C1QTNF3: variants seen among roughly 807,000 people sequenced by gnomAD.
C1QTNF3 encodes complement C1q tumor necrosis factor-related protein 3.
A neutral mutation model predicts 32.6 loss-of-function variants in C1QTNF3; 26 were observed. The observed-to-expected ratio is 0.80, with a 90% CI of 0.58 to 1.11. The LOEUF (loss-of-function observed/expected upper bound fraction) is 1.11, where lower values mean the gene tolerates loss of function less well. Among genes scored for constraint, C1QTNF3 ranks in the 50% least tolerant of loss-of-function variants. The pLI, the probability that C1QTNF3 is intolerant of heterozygous loss-of-function variation, is 0.00. For synonymous variants in C1QTNF3, 155 were observed against 146.0 expected (o/e 1.06, Z -0.44); for missense variants, 362 against 398.2 (o/e 0.91, Z 0.77).
At chr5:34,210,557 T>A in the C1QTNF3 span, among the ~76,000 whole-genome samples, 1 of 151,824 alleles carries the variant, frequency 6.6e-6, no homozygotes, top group Non-Finnish European at 1.5e-5. Context: ...TTATTGGAGT[T>A]AAAACAACAA....
At chr5:34,097,071 T>C in the C1QTNF3 span, among the ~76,000 whole-genome samples, 1 of 151,960 alleles carries the variant, frequency 6.6e-6, no homozygotes, top group Non-Finnish European at 1.5e-5. Flanking sequence ...TCTTTCTGTT[T>C]GGAAAATTAA....
At chr5:34,057,567 C>A in the C1QTNF3 span, among the ~76,000 whole-genome samples, 1 of 152,220 alleles carries the variant, frequency 6.6e-6, no homozygotes. Flanking sequence ...TTGTTCTCTA[C>A]AATTCTCATT....
the C1QTNF3 span, among the ~76,000 whole-genome samples, chr5:34,227,662 A>C: frequency 1.3e-5 from 2 of 151,948 alleles, no homozygotes; most frequent in Non-Finnish European, 2.9e-5. Flanking sequence ...AATTTAAGAG[A>C]GGATTCAACT....
chr5:34,056,486 A>ATATATC, the C1QTNF3 span, among the ~76,000 whole-genome samples: 1 of 34,776 alleles, frequency 2.9e-5, no homozygotes, highest in Non-Finnish European at 7.8e-5. Context: ...ATATAGAGAG[A>ATATATC]GAGAGAGAGA....
the C1QTNF3 span, among the ~76,000 whole-genome samples, chr5:34,238,863 G>GA: frequency 4.7e-5 from 7 of 150,534 alleles, no homozygotes; most frequent in South Asian, 2.1e-4. Context: ...AAATACAAAA[G>GA]AAAAAAAAAT....
At chr5:34,119,955 G>C in the C1QTNF3 span, among the ~76,000 whole-genome samples, 2 of 152,120 alleles carry the variant, frequency 1.3e-5, no homozygotes, top group East Asian at 3.9e-4. Flanking sequence ...TTAAGAGCTG[G>C]ATATCTTTGG....
chr5:34,167,328 G>C, the C1QTNF3 span: 1 of 152,198 alleles, frequency 6.6e-6, no homozygotes, highest in South Asian at 2.1e-4. Flanking sequence ...CACGTTTCAA[G>C]CTTAATGCAT....
chr5:34,154,524 A>C, the C1QTNF3 span, among the ~76,000 whole-genome samples: 1 of 152,228 alleles, frequency 6.6e-6, no homozygotes, highest in African/African-American at 2.4e-5. Context: ...CAGTCAAGTC[A>C]GTCAGCCAAT....
the C1QTNF3 span, among the ~76,000 whole-genome samples, chr5:34,244,373 C>T: frequency 6.6e-6 from 1 of 152,172 alleles, no homozygotes; most frequent in Non-Finnish European, 1.5e-5. Context: ...AGCAAAAGAA[C>T]AAAGCCTCCA....
At chr5:34,115,456 C>A in the C1QTNF3 span, among the ~76,000 whole-genome samples, 2 of 152,164 alleles carry the variant, frequency 1.3e-5, no homozygotes, top group African/African-American at 4.8e-5. Context: ...GGTGGCCGGA[C>A]ACGGTGGCTC....
the C1QTNF3 span, among the ~76,000 whole-genome samples, chr5:34,229,146 T>C: frequency 1.3e-5 from 2 of 152,120 alleles, no homozygotes; most frequent in Non-Finnish European, 2.9e-5. Flanking sequence ...GGATCTTTAA[T>C]AGAATGCAAC....
At chr5:34,137,385 A>T in the C1QTNF3 span, among the ~76,000 whole-genome samples, 2 of 152,196 alleles carry the variant, frequency 1.3e-5, no homozygotes, top group South Asian at 2.1e-4. Context: ...TCTTCCTTCA[A>T]ATTCAAGGAT....
chr5:34,136,637 T>C, the C1QTNF3 span, among the ~76,000 whole-genome samples: 1 of 152,174 alleles, frequency 6.6e-6, no homozygotes, highest in African/African-American at 2.4e-5. Flanking sequence ...GACTCAGCAA[T>C]CACATTACTG....
At chr5:34,232,960 T>C in the C1QTNF3 span, among the ~76,000 whole-genome samples, 4 of 29,156 alleles carry the variant, frequency 1.4e-4, no homozygotes, top group Non-Finnish European at 1.8e-3. Flanking sequence ...TGTTCCCTTA[T>C]AGCAAACTAC....
chr5:34,126,624 T>C, the C1QTNF3 span, among the ~76,000 whole-genome samples: 12 of 147,004 alleles, frequency 8.2e-5, no homozygotes, highest in East Asian at 2.2e-3. Context: ...GAAATCAGCA[T>C]GATGAAGAGA....
At chr5:34,200,650 G>A in the C1QTNF3 span, 25 of 152,132 alleles carry the variant, frequency 1.6e-4, no homozygotes, top group African/African-American at 5.8e-4. Context: ...CAGTATCAGT[G>A]CATTTATAAT....
chr5:34,234,172 T>G, the C1QTNF3 span, among the ~76,000 whole-genome samples: 1 of 152,144 alleles, frequency 6.6e-6, no homozygotes, highest in Non-Finnish European at 1.5e-5. Context: ...TTTACTGTAT[T>G]ATAATGCTAG....
the C1QTNF3 span, among the ~76,000 whole-genome samples, chr5:34,136,485 A>G: frequency 8.5e-5 from 13 of 152,360 alleles, no homozygotes; most frequent in Admixed American, 7.2e-4. Flanking sequence ...GCAATCATTA[A>G]TAAGTCAGGA....
At chr5:34,160,386 G>A in the C1QTNF3 span, among the ~76,000 whole-genome samples, 2 of 152,256 alleles carry the variant, frequency 1.3e-5, no homozygotes, top group Admixed American at 6.5e-5. Context: ...TTATATGGAC[G>A]TGTAAAGCAT....
Sources: allele counts gnomAD v4.1 joint callset (sites outside exome capture counted in the v4.1 genomes callset), GRCh38; gene constraint gnomAD v4.1.1; transcripts MANE v1.5; gene names NCBI Gene and HGNC (gene_info 2026-07-23, HGNC 2026-07-21).